Variants in ZNF100 observed in about 807,000 individuals in gnomAD.
ZNF100 encodes the protein zinc finger protein 100, also known as zinc finger protein 100 (Y1).
In ZNF100, 12 loss-of-function variants were observed where a neutral mutation model predicts 15.8. That is an observed-to-expected ratio of 0.76 (90% confidence interval 0.49 to 1.23). The LOEUF is 1.23. ZNF100 is among the 50% of genes most tolerant of loss of function. ZNF100 has a pLI of 0.00. For missense variants in ZNF100, 670 were observed against 635.6 expected, an observed-to-expected ratio of 1.05 and a Z score of -0.58; for synonymous variants, 226 against 214.8, an observed-to-expected ratio of 1.05 and a Z score of -0.45.
At chr19:21,763,693 A>T (rs1463996893) in intron 2 of ZNF100, among the ~76,000 whole-genome samples, 1 of 152,128 alleles carries the variant, frequency 6.6e-6, no homozygotes, top group Non-Finnish European at 1.5e-5. Context: ...TTAAAACTTC[A>T]TTCTGTGCCC....
intron 4 of ZNF100, among the ~76,000 whole-genome samples, chr19:21,730,269 G>A (rs2035889091): frequency 6.6e-6 from 1 of 151,968 alleles, no homozygotes; most frequent in African/African-American, 2.4e-5. Flanking sequence ...GTGGCAAGAT[G>A]GATGTAGATA....
chr19:21,743,474 T>G (rs1259592629), intron 4 of ZNF100, among the ~76,000 whole-genome samples: 1 of 152,146 alleles, frequency 6.6e-6, no homozygotes, highest in Admixed American at 6.5e-5. Context: ...AAAGCAATCT[T>G]GAGGCAAAAG....
chr19:21,734,913 T>TA (rs890401741), intron 4 of ZNF100, among the ~76,000 whole-genome samples: 13 of 151,904 alleles, frequency 8.6e-5, no homozygotes, highest in East Asian at 1.9e-4. Flanking sequence ...TCAGCATTCT[T>TA]AAAAAAAATG....
intron 2 of ZNF100, among the ~76,000 whole-genome samples, chr19:21,749,161 T>C (rs1004263958): frequency 1.3e-5 from 2 of 152,174 alleles, no homozygotes; most frequent in Non-Finnish European, 2.9e-5. Flanking sequence ...AATGACCTTA[T>C]GAAATGGAAG....
At position 21,727,309 on chromosome 19, in the gene ZNF100, G is replaced by A; in HGVS notation, c.1003C>T (p.His335Tyr). Residue 335 changes from histidine to tyrosine, a missense_variant, in exon 5 of 5, where the codon CAC (histidine) becomes TAC (tyrosine). Transcript: ENST00000358296. ...TTCTCTCCAGTATGAATTATCCTGT[G>A]TGTAGTAAGGTGTGAGGACCGGTTA... is the stretch of plus-strand genomic sequence containing the variant. ...AFNRSSHLTT[H>Y]RIIHTGEKPY... The A allele has an allele frequency of 1.2e-6, 2 of 1,612,966 alleles. No homozygotes were observed. The highest frequency in any genetic ancestry group is 1.7e-6 in the Non-Finnish European group (2 of 1,179,618).
intron 4 of ZNF100, among the ~76,000 whole-genome samples, chr19:21,733,891 C>T (rs1388204565): frequency 6.6e-6 from 1 of 152,260 alleles, no homozygotes; most frequent in African/African-American, 2.4e-5. Context: ...CTACACACTC[C>T]ACTGGTGACA....
rs1359837893 is a variant in ZNF100, at chr19:21,725,628, G to C, written c.*1055C>G. The C allele has an allele frequency of 1.3e-5, 2 of 151,992 alleles. No homozygotes were observed. Among genetic ancestry groups the C allele is most frequent in the East Asian group, 3.8e-4 (2 of 5,198 alleles). The allele number at this position is 151,992 out of a possible 1,614,324, so 9.4% of individuals were successfully genotyped here. A position where few individuals can be genotyped will look rare whatever the true frequency, so the allele number is the denominator to read the frequency against. ...ACATGTAAATAGGAGTGAAGAAAAG[G>C]CAGGAAATAATTTAAGAGTTGAATT... is the stretch of plus-strand genomic sequence containing the variant. On this transcript the variant is annotated 3_prime_UTR_variant, in exon 5 of 5. Transcript: ENST00000358296.
chr19:21,746,080 A>G (rs1342939386), intron 2 of ZNF100, among the ~76,000 whole-genome samples: 1 of 152,252 alleles, frequency 6.6e-6, no homozygotes, highest in African/African-American at 2.4e-5. Context: ...AAAAATAGTT[A>G]ACTCTGTAGT....
chr19:21,758,249 G>A (rs914316241), intron 2 of ZNF100, among the ~76,000 whole-genome samples: 7 of 152,090 alleles, frequency 4.6e-5, no homozygotes, highest in African/African-American at 1.4e-4. Flanking sequence ...ACATGGACAC[G>A]AGGAACAGTC....
intron 2 of ZNF100, among the ~76,000 whole-genome samples, chr19:21,763,704 C>T (rs1355420597): frequency 6.6e-6 from 1 of 152,154 alleles, no homozygotes; most frequent in Non-Finnish European, 1.5e-5. Flanking sequence ...TTCTGTGCCC[C>T]TCCTAAGAAC....
At position 21,724,707 on chromosome 19, in the gene ZNF100, T is replaced by C. The variant is rs1387139832; in HGVS notation, c.*1976A>G. The C allele has an allele frequency of 1.3e-5, 2 of 151,968 alleles. No homozygotes were observed. Among genetic ancestry groups the C allele is most frequent in the Non-Finnish European group, 2.9e-5 (2 of 68,034 alleles). The allele number at this position is 151,968 out of a possible 1,614,324, so 9.4% of individuals were successfully genotyped here. Reference sequence around the variant, plus strand: ...CAAAATATGCCATATATTGCATGAATATATACTCATATTATGTACCCCAAA... The same window carrying C: ...CAAAATATGCCATATATTGCATGAACATATACTCATATTATGTACCCCAAA... On this transcript the variant is annotated 3_prime_UTR_variant, in exon 5 of 5. Coordinates refer to ENST00000358296, the MANE Select transcript of ZNF100 (RefSeq NM_173531.4).
At chr19:21,740,907 T>C (rs1309893132) in intron 4 of ZNF100, among the ~76,000 whole-genome samples, 1 of 152,194 alleles carries the variant, frequency 6.6e-6, no homozygotes, top group East Asian at 1.9e-4. Flanking sequence ...AGCAACTCCA[T>C]TAATGAATCT....
intron 2 of ZNF100, among the ~76,000 whole-genome samples, chr19:21,753,817 G>A (rs2036348738): frequency 6.6e-6 from 1 of 152,154 alleles, no homozygotes; most frequent in South Asian, 2.1e-4. Flanking sequence ...TGTAATAAAA[G>A]GAACTGGGCC....
intron 1 of ZNF100, 121 bp downstream of exon 1, chr19:21,767,306 T>A (rs1285041858): frequency 3.2e-6 from 5 of 1,554,522 alleles, no homozygotes; most frequent in Non-Finnish European, 4.4e-6. Flanking sequence ...GAGGCCGAGC[T>A]GGGCAAGGCG....
At chr19:21,764,375 G>A (rs1454846068) in intron 2 of ZNF100, among the ~76,000 whole-genome samples, 10 of 152,146 alleles carry the variant, frequency 6.6e-5, no homozygotes, top group Non-Finnish European at 1.5e-4. Flanking sequence ...CGGGCATGGT[G>A]GCTCATGCTT....
rs2035834916 is a variant in ZNF100, at chr19:21,727,718, T to C, written c.594A>G (p.Arg198=). The C allele has an allele frequency of 1.9e-6, 3 of 1,612,012 alleles. No individual in the cohort carries two copies. Among genetic ancestry groups the C allele is most frequent in the South Asian group, 2.2e-5 (2 of 90,936 alleles). The change falls in exon 5 of 5, where the codon AGA becomes AGG. Residue 198 remains arginine (R), a synonymous_variant. Coordinates refer to ENST00000358296, the MANE Select transcript of ZNF100 (RefSeq NM_173531.4). ...ATTTGAAAGGTTTCTTTCTAGTATGTCTTATCTTATGTCTGTTTGAATTTG... is the reference window on the plus strand; with the variant it reads ...ATTTGAAAGGTTTCTTTCTAGTATGCCTTATCTTATGTCTGTTTGAATTTG... The part of the protein sequence containing the change: ...TFSNSNRHKI[R]HTRKKPFKCK...
chr19:21,735,736 C>T (rs373302267), intron 4 of ZNF100, among the ~76,000 whole-genome samples: 5 of 152,280 alleles, frequency 3.3e-5, no homozygotes, highest in African/African-American at 9.6e-5. Flanking sequence ...AAGGACACTA[C>T]ATAATGCTAA....
rs746436948 is a variant in ZNF100, at chr19:21,724,764, A to G, written c.*1919T>C. 4 of 152,148 alleles carry G rather than the reference A, an allele frequency of 2.6e-5. No individual in the cohort carries two copies. Among genetic ancestry groups the G allele is most frequent in the Non-Finnish European group, 5.9e-5 (4 of 68,030 alleles). The allele number at this position is 152,148 out of a possible 1,614,324, so 9.4% of individuals were successfully genotyped here. On this transcript the variant is annotated 3_prime_UTR_variant, in exon 5 of 5. Transcript: ENST00000358296. Reference sequence around the variant, plus strand: ...AGAAAAATAAATTTAAATAAAATAAACATTTGGCTGGGCACGGTGGCTCAT... The same window carrying G: ...AGAAAAATAAATTTAAATAAAATAAGCATTTGGCTGGGCACGGTGGCTCAT...
rs2035838982 is a variant in ZNF100, at chr19:21,727,830, T to G, written c.482A>C (p.His161Pro). 5 of 1,613,492 alleles carry G rather than the reference T, an allele frequency of 3.1e-6. No homozygotes were observed. In the East Asian group the frequency reaches 1.1e-4, roughly 36 times the overall value. Residue 161 changes from histidine to proline, a missense_variant, in exon 5 of 5, where the codon CAT (histidine) becomes CCT (proline). By Grantham distance (77) the His-to-Pro change is moderately conservative. Transcript: ENST00000358296. ...CAAACACTGGTTTAATTTGTTATCA[T>G]GTTCTTTGTGCACTTTACACTCATC... ...SVDECKVHKEHDNKLNQCLIT... is the reference protein window; with the variant it reads ...SVDECKVHKEPDNKLNQCLIT...
Sources: allele counts gnomAD v4.1 joint callset (sites outside exome capture counted in the v4.1 genomes callset), GRCh38; gene constraint gnomAD v4.1.1; transcripts MANE v1.5; gene names NCBI Gene and HGNC (gene_info 2026-07-23, HGNC 2026-07-21).